Variants in MYT1L observed in about 807,000 individuals in gnomAD.
The protein encoded by MYT1L is myelin transcription factor 1 like.
MYT1L carries 12 observed loss-of-function variants against 126.7 expected under a neutral mutation model. The observed-to-expected ratio is 0.09, with a 90% CI of 0.06 to 0.15. MYT1L has a LOEUF of 0.15. Among genes scored for constraint, MYT1L ranks in the 10% least tolerant of loss-of-function variants. MYT1L has a pLI of 1.00. For synonymous variants in MYT1L, 541 were observed against 604.2 expected (o/e 0.90, Z 1.53); for missense variants, 979 against 1,585.2 (o/e 0.62, Z 6.49).
chr2:1,812,511 C>A (rs1021200700), intron 21 of MYT1L, among the ~76,000 whole-genome samples: 1 of 152,106 alleles, frequency 6.6e-6, no homozygotes, highest in African/African-American at 2.4e-5. Context: ...TGTGAGTGCA[C>A]CCAGGCTCTG....
intron 18 of MYT1L, among the ~76,000 whole-genome samples, chr2:1,854,296 A>C (rs1362679391): frequency 1.3e-5 from 2 of 152,164 alleles, no homozygotes; most frequent in African/African-American, 4.8e-5. Flanking sequence ...TTTATTGATT[A>C]GTCTTTAAAG....
intron 4 of MYT1L, among the ~76,000 whole-genome samples, chr2:1,999,389 G>A (rs1248757491): frequency 1.3e-5 from 2 of 152,164 alleles, no homozygotes; most frequent in East Asian, 1.9e-4. Context: ...GTATAAAACA[G>A]ATGGGTAAGA....
chr2:2,161,286 G>A (rs550213505), intron 3 of MYT1L, among the ~76,000 whole-genome samples: 1 of 152,190 alleles, frequency 6.6e-6, no homozygotes, highest in Non-Finnish European at 1.5e-5. Context: ...TGTGTATCCT[G>A]CTTGGATATT....
At chr2:1,947,374 AC>A (rs1350023728) in intron 8 of MYT1L, among the ~76,000 whole-genome samples, 23 of 152,286 alleles carry the variant, frequency 1.5e-4, no homozygotes, top group African/African-American at 5.5e-4. Context: ...AGAAGTGAGC[AC>A]AACTGGGCTT....
chr2:1,860,380 G>A (rs368841060), intron 18 of MYT1L, among the ~76,000 whole-genome samples: 1 of 151,502 alleles, frequency 6.6e-6, no homozygotes, highest in Non-Finnish European at 1.5e-5. Flanking sequence ...CCAGCCTCTC[G>A]CCCTCGCGTG....
In MYT1L at chr2:1,811,765, C is replaced by A. The variant is rs2036702073; in HGVS notation, c.3081-2598G>T. On this transcript the variant is annotated intron_variant, in intron 21 of 24. Transcript: ENST00000647738. This position sits in a 1 kb window ranked among gnomAD's most constrained non-coding sequence, Gnocchi z 4.4. ...CGAACCCCTCGCGTTCCGGAGGGAA[C>A]AGGCTCCTCTTCAGTCCTCCCTGAT... 6.6e-6 allele frequency among the ~76,000 whole-genome samples: 1 copy of A among 152,134 alleles called. No homozygotes were observed. Among genetic ancestry groups the A allele is most frequent in the Non-Finnish European group, 1.5e-5 (1 of 68,038 alleles).
rs187623588 is a variant in MYT1L at position 2,081,685 on chromosome 2, G to T, written c.-303-27562C>A. 4.0e-3 allele frequency among the ~76,000 whole-genome samples: 602 copies of T among 152,208 alleles called. 3 individuals are homozygous for T. The highest frequency in any genetic ancestry group is 0.018 in the South Asian group (86 of 4,812). ...AGGAAACTGCAAGGCAAGTCCCAGA[G>T]GTTATTCTTTTTAACCTCTTCATAC... On this transcript the variant is annotated intron_variant, in intron 3 of 24. Transcript: ENST00000647738.
chr2:2,145,766 A>G (rs2084787967), intron 3 of MYT1L, among the ~76,000 whole-genome samples: 1 of 152,238 alleles, frequency 6.6e-6, no homozygotes, highest in Non-Finnish European at 1.5e-5. Context: ...ATAAATGTAT[A>G]GAGTTTAATA....
Position 2,135,852 on chromosome 2 carries a change from G to A in MYT1L, c.-304+37020C>T, listed in dbSNP as rs567101929. Among the ~76,000 whole-genome samples the A allele has an allele frequency of 1.0e-3, 152 of 152,264 alleles. 1 individual carries two copies. Among genetic ancestry groups the A allele is most frequent in the African/African-American group, 3.2e-3 (133 of 41,552 alleles). The stretch of plus-strand genomic sequence containing the variant: ...CCCACTCTGTGGACCTGGGCCTGCC[G>A]GGCTTGGCCTTTAACCCTGGTCCTC... On this transcript the variant is annotated intron_variant, in intron 3 of 24. Coordinates refer to ENST00000647738, the MANE Select transcript of MYT1L (RefSeq NM_001303052.2).
chr2:2,008,096 A>G (rs995572416), intron 4 of MYT1L, among the ~76,000 whole-genome samples: 2 of 152,154 alleles, frequency 1.3e-5, no homozygotes, highest in Non-Finnish European at 2.9e-5. Context: ...GGACCCCCCA[A>G]TAGATGACTC....
At chr2:2,211,868 C>A in intron 2 of MYT1L, among the ~76,000 whole-genome samples, 1 of 149,264 alleles carries the variant, frequency 6.7e-6, no homozygotes, top group African/African-American at 2.5e-5. Context: ...TTATAACAAG[C>A]AGAACTCTTT....
chr2:1,909,755 T>G (rs1052234384), intron 13 of MYT1L, among the ~76,000 whole-genome samples: 1 of 152,104 alleles, frequency 6.6e-6, no homozygotes, highest in Non-Finnish European at 1.5e-5. Context: ...CTCAGGGCAT[T>G]GGGCGTAACA....
chr2:2,047,859 G>A (rs1168221169), intron 4 of MYT1L, among the ~76,000 whole-genome samples: 4 of 152,132 alleles, frequency 2.6e-5, no homozygotes, highest in East Asian at 3.8e-4. Context: ...GAGAAAATAC[G>A]AAACAGTGAA....
chr2:2,136,944 C>T lies in MYT1L; in HGVS notation c.-304+35928G>A, dbSNP rs574866184. 7.6e-4 allele frequency among the ~76,000 whole-genome samples: 116 copies of T among 152,150 alleles called. 1 individual carries two copies. The highest frequency in any genetic ancestry group is 1.9e-3 in the Admixed American group (29 of 15,282). On this transcript the variant is annotated intron_variant, in intron 3 of 24. Coordinates refer to ENST00000647738, the MANE Select transcript of MYT1L (RefSeq NM_001303052.2). Reference sequence around the variant, plus strand: ...TGATTGTATATCTAGAAAACCCCATCGTCTCAGCCCAAAATCTCCTTAAGC... The same window carrying T: ...TGATTGTATATCTAGAAAACCCCATTGTCTCAGCCCAAAATCTCCTTAAGC...
At chr2:2,263,558 G>GT (rs1476790192) in intron 2 of MYT1L, among the ~76,000 whole-genome samples, 1 of 152,090 alleles carries the variant, frequency 6.6e-6, no homozygotes, top group African/African-American at 2.4e-5. Context: ...ACTGGTGCTG[G>GT]GGTTTGCAGC....
chr2:2,081,785 G>C (rs1360001844), intron 3 of MYT1L, among the ~76,000 whole-genome samples: 2 of 152,060 alleles, frequency 1.3e-5, no homozygotes, highest in Admixed American at 1.3e-4. Flanking sequence ...TGTCGCCCAG[G>C]CTGGAGTGCA....
At chr2:2,235,205 T>C (rs1434463366) in intron 2 of MYT1L, among the ~76,000 whole-genome samples, 1 of 152,110 alleles carries the variant, frequency 6.6e-6, no homozygotes, top group Admixed American at 6.5e-5. Context: ...GGTTGGTGTC[T>C]TCCTCAGAGC....
intron 4 of MYT1L, among the ~76,000 whole-genome samples, chr2:2,046,132 A>G (rs1283464003): frequency 6.6e-6 from 1 of 152,218 alleles, no homozygotes; most frequent in Non-Finnish European, 1.5e-5. Context: ...GAGATATACT[A>G]TGAAAAGCAA....
intron 4 of MYT1L, among the ~76,000 whole-genome samples, chr2:1,999,148 C>T (rs769036071): frequency 6.6e-6 from 1 of 152,124 alleles, no homozygotes; most frequent in Non-Finnish European, 1.5e-5. Context: ...AAATGTCTGG[C>T]TTATCATTAA....
Sources: allele counts gnomAD v4.1 joint callset (sites outside exome capture counted in the v4.1 genomes callset), GRCh38; gene constraint gnomAD v4.1.1; non-coding constraint Gnocchi (gnomAD v3.1); transcripts MANE v1.5; gene names NCBI Gene and HGNC (gene_info 2026-07-23, HGNC 2026-07-21).